Variants in KCND2 observed in about 807,000 individuals in gnomAD.
The protein encoded by KCND2 is potassium voltage-gated channel subfamily D member 2.
KCND2 carries 16 observed loss-of-function variants against 54.4 expected under a neutral mutation model. The ratio of observed to expected loss-of-function variants is 0.29; its 90% CI spans 0.20 to 0.45. KCND2 has a LOEUF of 0.45. KCND2 is among the 20% of genes least tolerant of loss of function. The probability of loss-of-function intolerance (pLI) is 1.00; values close to 1 mark genes in which losing one functional copy is unlikely to be tolerated. For synonymous variants in KCND2, 317 were observed against 310.7 expected (o/e 1.02, Z -0.21); for missense variants, 486 against 824.2 (o/e 0.59, Z 5.02).
At chr7:120,575,273 T>C (rs886466911) in intron 1 of KCND2, among the ~76,000 whole-genome samples, 1 of 152,154 alleles carries the variant, frequency 6.6e-6, no homozygotes, top group African/African-American at 2.4e-5. Flanking sequence ...CTTCAGTCTA[T>C]GGTCAAAAGC....
At chr7:120,453,089 G>A (rs953216847) in intron 1 of KCND2, among the ~76,000 whole-genome samples, 3 of 152,112 alleles carry the variant, frequency 2.0e-5, no homozygotes, top group Non-Finnish European at 4.4e-5. Flanking sequence ...CAGTCCACCT[G>A]ATCATCTCTC....
chr7:120,463,104 T>C (rs1052914837), intron 1 of KCND2, among the ~76,000 whole-genome samples: 4 of 152,050 alleles, frequency 2.6e-5, no homozygotes, highest in Admixed American at 6.6e-5. Context: ...GCATCTAACT[T>C]TCTAGATTGT....
At chr7:120,711,822 C>T (rs550574612) in intron 1 of KCND2, among the ~76,000 whole-genome samples, 2 of 152,182 alleles carry the variant, frequency 1.3e-5, no homozygotes, top group Admixed American at 1.3e-4. Context: ...TGTAAGGGTT[C>T]ACCAAAGTCC....
At chr7:120,535,654 G>A (rs1791897217) in intron 1 of KCND2, among the ~76,000 whole-genome samples, 1 of 152,130 alleles carries the variant, frequency 6.6e-6, no homozygotes, top group Non-Finnish European at 1.5e-5. Context: ...TGTTCCCAAT[G>A]TTTGGGATTT....
In KCND2 at chr7:120,452,784, C is replaced by T. The variant is rs2192373; in HGVS notation, c.1115+177037C>T. 1.4e-3 allele frequency among the ~76,000 whole-genome samples: 215 copies of T among 152,272 alleles called. 5 individuals are homozygous for T. The East Asian group carries it at 0.039, about 27-fold the overall frequency. ...GTCAACGTTAGCAGTGGAGCGTGGC[C>T]AGTGATACCCATCGCCCAAGGCTCA... On this transcript the variant is annotated intron_variant, in intron 1 of 5. Coordinates refer to ENST00000331113, the MANE Select transcript of KCND2 (RefSeq NM_012281.3).
chr7:120,284,531 A>G (rs1476811993), intron 1 of KCND2, among the ~76,000 whole-genome samples: 2 of 152,166 alleles, frequency 1.3e-5, no homozygotes, highest in Admixed American at 6.6e-5. Context: ...CATTAGAAAC[A>G]ATATTGAATC....
chr7:120,592,877 C>T (rs1792688687), intron 1 of KCND2, among the ~76,000 whole-genome samples: 1 of 152,074 alleles, frequency 6.6e-6, no homozygotes, highest in African/African-American at 2.4e-5. Context: ...TTTTTTAATA[C>T]ATTTATTTTA....
chr7:120,630,729 C>CAT lies in KCND2; in HGVS notation c.1116-102173_1116-102172dup, dbSNP rs989575169. 7.2e-4 allele frequency among the ~76,000 whole-genome samples: 109 copies of CAT among 152,234 alleles called. 2 individuals are homozygous for CAT. Among genetic ancestry groups the CAT allele is most frequent in the African/African-American group, 2.5e-3 (102 of 41,550 alleles). On this transcript the variant is annotated intron_variant, in intron 1 of 5. Transcript: ENST00000331113. ...ATATCTCGCTTAAAAGGTATTGAGT[C>CAT]ATGCTTTTCACAATTTGGCTTTCTA... is the stretch of plus-strand genomic sequence containing the variant.
intron 1 of KCND2, among the ~76,000 whole-genome samples, chr7:120,432,522 CA>C (rs201574856): frequency 0.063 from 9,617 of 152,228 alleles, 924 homozygotes; most frequent in African/African-American, 0.22. Flanking sequence ...CACACACACA[CA>C]CCCCTCATTT....
chr7:120,471,760 C>T (rs761089771), intron 1 of KCND2, among the ~76,000 whole-genome samples: 28 of 152,044 alleles, frequency 1.8e-4, no homozygotes, highest in Non-Finnish European at 3.7e-4. Flanking sequence ...CCCTTAATTA[C>T]AGAGTACTAG....
chr7:120,443,263 GA>G (rs1194297918), intron 1 of KCND2, among the ~76,000 whole-genome samples: 3 of 151,804 alleles, frequency 2.0e-5, no homozygotes, highest in Non-Finnish European at 4.4e-5. Flanking sequence ...TGAAATATTA[GA>G]TATGGTTTCC....
At chr7:120,670,889 C>T (rs1233741062) in intron 1 of KCND2, among the ~76,000 whole-genome samples, 2 of 148,068 alleles carry the variant, frequency 1.4e-5, no homozygotes, top group African/African-American at 2.5e-5. Flanking sequence ...GCACTCCAGC[C>T]TGGGCGACAG....
intron 1 of KCND2, among the ~76,000 whole-genome samples, chr7:120,649,828 C>T (rs1368840088): frequency 6.6e-6 from 1 of 152,200 alleles, no homozygotes; most frequent in Non-Finnish European, 1.5e-5. Flanking sequence ...CAAAATCTCT[C>T]AGCATTTGCT....
chr7:120,435,040 A>G (rs1584777673), intron 1 of KCND2, among the ~76,000 whole-genome samples: 1 of 152,132 alleles, frequency 6.6e-6, no homozygotes, highest in South Asian at 2.1e-4. Flanking sequence ...AAAATATAAA[A>G]AACCTATCTT....
intron 1 of KCND2, among the ~76,000 whole-genome samples, chr7:120,339,238 A>G (rs1422966037): frequency 6.6e-6 from 1 of 152,008 alleles, no homozygotes; most frequent in Non-Finnish European, 1.5e-5. Flanking sequence ...AACAGTATAT[A>G]ACATTGGCTT....
At chr7:120,737,059 C>A (rs1584901789) in intron 2 of KCND2, among the ~76,000 whole-genome samples, 1 of 143,716 alleles carries the variant, frequency 7.0e-6, no homozygotes, top group African/African-American at 2.6e-5. Context: ...CACACACACA[C>A]ACACACACAC....
intron 2 of KCND2, among the ~76,000 whole-genome samples, chr7:120,740,566 G>T (rs1792927745): frequency 6.6e-6 from 1 of 152,180 alleles, no homozygotes; most frequent in Non-Finnish European, 1.5e-5. Flanking sequence ...TTCCATGACG[G>T]TCTAAATGCA....
At chr7:120,413,612 C>T (rs1039613264) in intron 1 of KCND2, among the ~76,000 whole-genome samples, 1 of 151,842 alleles carries the variant, frequency 6.6e-6, no homozygotes, top group African/African-American at 2.4e-5. Context: ...TTTATTATAG[C>T]TTAGTAACAA....
chr7:120,598,346 A>G (rs1792772772), intron 1 of KCND2, among the ~76,000 whole-genome samples: 1 of 152,074 alleles, frequency 6.6e-6, no homozygotes, highest in African/African-American at 2.4e-5. Context: ...GCAACTCTAT[A>G]TTTGTATTGT....
Sources: gnomAD v4.1 joint callset for allele counts (sites outside exome capture counted in the v4.1 genomes callset) on GRCh38, gnomAD v4.1.1 for gene constraint, MANE v1.5 for transcripts, NCBI Gene and HGNC (gene_info 2026-07-23, HGNC 2026-07-21) for gene names.